Variants in DISP3 observed in about 807,000 individuals in gnomAD.
The protein encoded by DISP3 is protein dispatched homolog 3.
In DISP3, 101 loss-of-function variants were observed where a neutral mutation model predicts 135.3. That is an observed-to-expected ratio of 0.75 (90% CI 0.64 to 0.88). DISP3 has a LOEUF of 0.88. DISP3 is among the 40% of genes least tolerant of loss of function. The probability of loss-of-function intolerance (pLI) is 0.00; values close to 1 mark genes in which losing one functional copy is unlikely to be tolerated. For synonymous variants in DISP3, 856 were observed against 817.0 expected, an observed-to-expected ratio of 1.05 and a Z score of -0.81; for missense variants, 1,713 against 1,878.6, an observed-to-expected ratio of 0.91 and a Z score of 1.63.
intron 10 of DISP3, among the ~76,000 whole-genome samples, chr1:11,523,651 C>T (rs1263617898): frequency 8.5e-6 from 1 of 117,274 alleles, no homozygotes; most frequent in Non-Finnish European, 1.9e-5. Flanking sequence ...GGCACAGAGA[C>T]AGCAAGCAGG....
intron 12 of DISP3, among the ~76,000 whole-genome samples, chr1:11,526,280 C>T (rs957211277): frequency 1.3e-5 from 2 of 152,236 alleles, no homozygotes; most frequent in African/African-American, 2.4e-5. Flanking sequence ...GCGCCTTTCT[C>T]GCCTTGCCCT....
intron 4 of DISP3, among the ~76,000 whole-genome samples, chr1:11,514,957 G>T (rs1641961388): frequency 6.6e-6 from 1 of 152,266 alleles, no homozygotes; most frequent in African/African-American, 2.4e-5. Context: ...TATACAGTAG[G>T]CACACTCTAC....
At chr1:11,521,752 G>C (rs1304699467) in intron 10 of DISP3, among the ~76,000 whole-genome samples, 4 of 152,264 alleles carry the variant, frequency 2.6e-5, no homozygotes, top group Admixed American at 2.0e-4. Context: ...ACCAGAGGTG[G>C]GAAAGACCAA....
At chr1:11,524,464 C>T (rs1021296930) in intron 11 of DISP3, among the ~76,000 whole-genome samples, 2 of 151,980 alleles carry the variant, frequency 1.3e-5, no homozygotes, top group African/African-American at 4.8e-5. Flanking sequence ...GCACTGTTGC[C>T]ACCTCTCTCC....
intron 1 of DISP3, among the ~76,000 whole-genome samples, chr1:11,500,137 C>T (rs1454434505): frequency 6.6e-6 from 1 of 152,218 alleles, no homozygotes; most frequent in African/African-American, 2.4e-5. Flanking sequence ...TGCCCATGCC[C>T]AAAGGTTTGA....
In DISP3 at chr1:11,514,500, T is replaced by C. The variant is rs776815191; in HGVS notation, c.1427T>C (p.Leu476Pro). Residue 476 changes from leucine (L) to proline (P), a missense_variant, in exon 4 of 21, where the codon CTG becomes CCG. Coordinates refer to ENST00000294484, the MANE Select transcript of DISP3 (RefSeq NM_020780.2). ...AFISSSCIAALVYILTSCSVF... is the reference protein window; with the variant it reads ...AFISSSCIAAPVYILTSCSVF... Reference sequence around the variant, plus strand: ...ATCAGCAGCAGCTGCATTGCTGCCCTGGTCTACATCCTCACCTCCTGCTCA... The same window carrying C: ...ATCAGCAGCAGCTGCATTGCTGCCCCGGTCTACATCCTCACCTCCTGCTCA... The C allele has an allele frequency of 2.5e-6, 4 of 1,614,040 alleles. No individual in the cohort carries two copies. Among genetic ancestry groups the C allele is most frequent in the Non-Finnish European group, 3.4e-6 (4 of 1,180,012 alleles).
In DISP3 at chr1:11,536,783, T is replaced by C. The variant is rs369194993; in HGVS notation, c.*97T>C. 295 of 1,416,342 alleles carry C rather than the reference T, an allele frequency of 2.1e-4. 1 individual carries two copies. The African/African-American group carries it at 3.7e-3, about 18-fold the overall frequency. The allele number at this position is 1,416,342 out of a possible 1,614,324, so 87.7% of individuals were successfully genotyped here. On this transcript the variant is annotated 3_prime_UTR_variant, in exon 21 of 21. Transcript: ENST00000294484. This position sits in a 1 kb window ranked among gnomAD's most constrained non-coding sequence, Gnocchi z 4.3. ...CTTCAGCTAGCTGTGTCCCCAGGCC[T>C]GGGCCCAGGGCGCCCTGCGGGCCAG...
rs1642714525 is a variant in DISP3 at position 11,536,688 on chromosome 1, C to T, written c.*2C>T. 4.5e-6 allele frequency: 7 copies of T among 1,550,678 alleles called. No individual in the cohort carries two copies. The highest frequency in any genetic ancestry group is 6.1e-6 in the Non-Finnish European group (7 of 1,149,770). ...CTGCCCGCAGGGGCCTCCCTATAGC[C>T]CGGGACGGGCTCTGGACACTTGCAC... On this transcript the variant is annotated 3_prime_UTR_variant, in exon 21 of 21. Coordinates refer to ENST00000294484, the MANE Select transcript of DISP3 (RefSeq NM_020780.2). The surrounding 1 kb of genome is among the most constrained non-coding windows in gnomAD (Gnocchi z 4.3).
intron 11 of DISP3, 136 bp from the exon 12 acceptor site, chr1:11,525,040 C>T: frequency 1.8e-6 from 2 of 1,094,740 alleles, no homozygotes; most frequent in Non-Finnish European, 2.7e-6. Flanking sequence ...GAGAGGGGCA[C>T]AGCCAGCATT....
intron 1 of DISP3, among the ~76,000 whole-genome samples, chr1:11,498,768 CTCAG>C (rs1206092413): frequency 6.6e-6 from 1 of 152,190 alleles, no homozygotes; most frequent in East Asian, 1.9e-4. Context: ...AGGCACCGTA[CTCAG>C]TCTGTTGTGT....
At chr1:11,486,353 C>G (rs1403565812) in intron 1 of DISP3, among the ~76,000 whole-genome samples, 1 of 152,204 alleles carries the variant, frequency 6.6e-6, no homozygotes, top group African/African-American at 2.4e-5. Flanking sequence ...AGGAATCAGG[C>G]TTTGGAGAAG....
Position 11,536,491 on chromosome 1 carries a change from G to A in DISP3, c.3984G>A (p.Val1328=). Residue 1328 remains valine, a synonymous_variant, in exon 21 of 21, where the codon GTG becomes GTA. Coordinates refer to ENST00000294484, the MANE Select transcript of DISP3 (RefSeq NM_020780.2). This position sits in a 1 kb window ranked among gnomAD's most constrained non-coding sequence, Gnocchi z 4.3. ...FGKIVALNTG[V]SILYTLTVST... is the part of the protein sequence containing the mutation. Reference sequence around the variant, plus strand: ...AGATTGTGGCACTCAACACGGGCGTGTCCATCCTCTACACGCTGACCGTCA... The same window carrying A: ...AGATTGTGGCACTCAACACGGGCGTATCCATCCTCTACACGCTGACCGTCA... The A allele has an allele frequency of 1.2e-6, 2 of 1,613,512 alleles. No homozygotes were observed. Among genetic ancestry groups the A allele is most frequent in the Non-Finnish European group, 1.7e-6 (2 of 1,179,994 alleles).
At chr1:11,515,095 C>T (rs1363507153) in intron 4 of DISP3, among the ~76,000 whole-genome samples, 2 of 152,244 alleles carry the variant, frequency 1.3e-5, no homozygotes, top group Non-Finnish European at 2.9e-5. Flanking sequence ...GATCCAGACA[C>T]AGTTCCTACC....
chr1:11,507,814 A>G (rs1641749165), intron 3 of DISP3, among the ~76,000 whole-genome samples: 1 of 152,228 alleles, frequency 6.6e-6, no homozygotes, highest in African/African-American at 2.4e-5. Flanking sequence ...GAGTAAAAGT[A>G]TGGGCCTATG....
intron 2 of DISP3, 136 bp downstream of exon 2, chr1:11,502,224 G>A: frequency 2.2e-6 from 3 of 1,351,084 alleles, no homozygotes; most frequent in African/African-American, 1.5e-5. Flanking sequence ...ATGGCCGGAG[G>A]GCAAGGTGAA....
intron 3 of DISP3, among the ~76,000 whole-genome samples, chr1:11,510,071 C>T (rs919471136): frequency 1.3e-5 from 2 of 151,960 alleles, no homozygotes; most frequent in Non-Finnish European, 2.9e-5. Context: ...TGCACTCCAG[C>T]CTGGGTGACA....
At chr1:11,489,509 G>A (rs1307533322) in intron 1 of DISP3, among the ~76,000 whole-genome samples, 2 of 152,200 alleles carry the variant, frequency 1.3e-5, no homozygotes, top group African/African-American at 4.8e-5. Context: ...CCCCTCCAAA[G>A]ACAGCAGGAT....
rs28445512 is a variant in DISP3 at position 11,479,653 on chromosome 1, T to G, written c.-4+281T>G. ...AGCATTCTTGGTCGGCCAAGGGGAG[T>G]TGGATGTTGGATGTCCAGGAACGGC... is the stretch of plus-strand genomic sequence containing the variant. On this transcript the variant is annotated intron_variant, in intron 1 of 20. Transcript: ENST00000294484. Among the ~76,000 whole-genome samples the G allele has an allele frequency of 5.3e-5, 8 of 151,812 alleles. No homozygotes were observed. The East Asian group carries it at 1.2e-3, about 22-fold the overall frequency.
rs1641529858 is a variant in DISP3, at chr1:11,501,679, T to C, written c.687T>C (p.Asn229=). The part of the protein sequence containing the change: ...EDPRNQRLSK[N]GRYQPSIPPH... ...CGCGAAACCAGCGGCTGAGCAAGAA[T>C]GGGCGGTACCAGCCCAGCATCCCGC... is the stretch of plus-strand genomic sequence containing the variant. The change falls in exon 2 of 21, where the codon AAT becomes AAC. Residue 229 remains asparagine, a synonymous_variant. Transcript: ENST00000294484. This position sits in a 1 kb window ranked among gnomAD's most constrained non-coding sequence, Gnocchi z 4.9. The C allele has an allele frequency of 6.2e-7, 1 of 1,605,996 alleles. No homozygotes were observed. The highest frequency in any genetic ancestry group is 8.5e-7 in the Non-Finnish European group (1 of 1,177,112).
Sources: gnomAD v4.1 joint callset for allele counts (sites outside exome capture counted in the v4.1 genomes callset) on GRCh38, gnomAD v4.1.1 for gene constraint, Gnocchi (gnomAD v3.1) non-coding constraint, MANE v1.5 for transcripts, NCBI Gene and HGNC (gene_info 2026-07-23, HGNC 2026-07-21) for gene names.